Variants in PHF21A observed in about 807,000 individuals in gnomAD.
PHF21A encodes the protein BHC80a.
A neutral mutation model predicts 82.5 loss-of-function variants in PHF21A; 11 were observed. That is an observed-to-expected ratio of 0.13 (90% CI 0.08 to 0.22). The LOEUF is 0.22. PHF21A is among the 10% of genes least tolerant of loss of function. The pLI, the probability that PHF21A is intolerant of heterozygous loss-of-function variation, is 1.00. For missense variants in PHF21A, 579 were observed against 837.8 expected, an observed-to-expected ratio of 0.69 and a Z score of 3.81; for synonymous variants, 297 against 302.8, an observed-to-expected ratio of 0.98 and a Z score of 0.20.
intron 6 of PHF21A, among the ~76,000 whole-genome samples, chr11:46,039,775 G>A (rs2096087025): frequency 1.3e-5 from 2 of 152,102 alleles, no homozygotes; most frequent in South Asian, 2.1e-4. Flanking sequence ...AGTCAAAACT[G>A]CACAATCTGC....
chr11:46,074,779 A>G (rs891246356), intron 6 of PHF21A, among the ~76,000 whole-genome samples: 3 of 152,244 alleles, frequency 2.0e-5, no homozygotes, highest in Non-Finnish European at 4.4e-5. Context: ...CTGGGATTAC[A>G]GGCGTGAGCC....
At chr11:45,956,119 A>T (rs1252103527) in intron 10 of PHF21A, among the ~76,000 whole-genome samples, 2 of 152,234 alleles carry the variant, frequency 1.3e-5, no homozygotes, top group Non-Finnish European at 2.9e-5. Flanking sequence ...CAGATAAACA[A>T]AACCAGAGGA....
chr11:45,983,136 C>A (rs748037205), intron 6 of PHF21A, among the ~76,000 whole-genome samples: 2 of 152,076 alleles, frequency 1.3e-5, no homozygotes, highest in African/African-American at 4.8e-5. Flanking sequence ...AGCAAGGTGA[C>A]GACCAATCAG....
intron 15 of PHF21A, among the ~76,000 whole-genome samples, chr11:45,944,737 A>G (rs2091028126): frequency 6.6e-6 from 1 of 152,202 alleles, no homozygotes. Flanking sequence ...GCCTCCTGCC[A>G]GTATGCTATA....
chr11:46,056,048 A>G (rs1350139548), intron 6 of PHF21A, among the ~76,000 whole-genome samples: 1 of 152,164 alleles, frequency 6.6e-6, no homozygotes, highest in East Asian at 1.9e-4. Flanking sequence ...TACTTTCTCA[A>G]TGACAAGTTT....
intron 6 of PHF21A, among the ~76,000 whole-genome samples, chr11:45,993,423 A>G (rs916740853): frequency 1.3e-5 from 2 of 152,098 alleles, no homozygotes; most frequent in East Asian, 3.9e-4. Flanking sequence ...GGGGAGAGTG[A>G]GGCACATGGT....
intron 1 of PHF21A, 104 bp downstream of exon 1, chr11:46,120,831 A>T (rs1853090590): frequency 6.7e-6 from 1 of 150,134 alleles, no homozygotes; most frequent in Non-Finnish European, 1.5e-5. Flanking sequence ...GAGAGGAGAG[A>T]GGCAGAGGGG....
In PHF21A at chr11:46,040,527, G is replaced by C. The variant is rs1490807094; in HGVS notation, c.153+36227C>G. On this transcript the variant is annotated intron_variant, in intron 6 of 18. Transcript: ENST00000676320. ...CCCTTGTACAATGTAAAATGACTCT[G>C]AGAGTAAAAGACTGGATTACTCATT... is the stretch of plus-strand genomic sequence containing the variant. Among the ~76,000 whole-genome samples, 4 of 152,202 alleles carry C rather than the reference G, an allele frequency of 2.6e-5. No individual in the cohort carries two copies. The East Asian group carries it at 5.8e-4, about 22-fold the overall frequency.
chr11:46,008,871 T>A (rs1295822032), intron 6 of PHF21A, among the ~76,000 whole-genome samples: 2 of 151,864 alleles, frequency 1.3e-5, no homozygotes. Context: ...CCCATTCCAC[T>A]ACTTATTTGA....
chr11:46,024,467 ATTCTC>A (rs1592139605), intron 6 of PHF21A, among the ~76,000 whole-genome samples: 1 of 152,104 alleles, frequency 6.6e-6, no homozygotes, highest in East Asian at 1.9e-4. Flanking sequence ...CCTAGTTTAG[ATTCTC>A]TTCTATTTTT....
chr11:45,940,448 C>T (rs189399641), intron 15 of PHF21A, among the ~76,000 whole-genome samples: 253 of 152,248 alleles, frequency 1.7e-3, no homozygotes, highest in African/African-American at 5.7e-3. Context: ...CCCACCTCGG[C>T]CTCCCAAAGT....
chr11:46,040,653 T>C (rs1186694999), intron 6 of PHF21A, among the ~76,000 whole-genome samples: 1 of 152,156 alleles, frequency 6.6e-6, no homozygotes, highest in Admixed American at 6.5e-5. Flanking sequence ...GTCCTGCTGG[T>C]AACAAACCCT....
At chr11:46,067,196 C>T (rs1453739842) in intron 6 of PHF21A, among the ~76,000 whole-genome samples, 3 of 151,798 alleles carry the variant, frequency 2.0e-5, no homozygotes, top group African/African-American at 7.3e-5. Context: ...GGGGGTCTGC[C>T]GGAAGAAAGG....
chr11:46,068,183 T>C (rs1313434078), intron 6 of PHF21A, among the ~76,000 whole-genome samples: 1 of 152,164 alleles, frequency 6.6e-6, no homozygotes. Context: ...ACCAGTCACA[T>C]GGAAGTAACA....
chr11:45,961,426 G>A (rs1401446998), intron 10 of PHF21A, among the ~76,000 whole-genome samples: 1 of 152,206 alleles, frequency 6.6e-6, no homozygotes, highest in Non-Finnish European at 1.5e-5. Context: ...TATTGCACCA[G>A]TATTAAAATG....
rs1208464498 is a variant in PHF21A, at chr11:45,979,844, T to C, written c.276A>G (p.Leu92=). The C allele has an allele frequency of 1.9e-6, 3 of 1,614,152 alleles. No homozygotes were observed. Among genetic ancestry groups the C allele is most frequent in the African/African-American group, 1.3e-5 (1 of 75,032 alleles). Residue 92 remains leucine (L), a synonymous_variant, in exon 7 of 19, where the codon CTA becomes CTG. Coordinates refer to ENST00000676320, the MANE Select transcript of PHF21A (RefSeq NM_001352027.3). ...ACTGCTGCTGTTGTTGTAGTTGCTG[T>C]AGTGGTTGCTGCTGTGCTGTTTGTA... is the stretch of plus-strand genomic sequence containing the variant. The part of the protein sequence containing the change: ...NKLQTAQQQP[L]QQLQQQQQYH...
chr11:45,949,150 T>C (rs1170741951), intron 13 of PHF21A, among the ~76,000 whole-genome samples: 1 of 152,240 alleles, frequency 6.6e-6, no homozygotes, highest in Admixed American at 6.5e-5. Context: ...CTGTTGCCGA[T>C]GACAGCTGTA....
At chr11:46,021,607 T>C (rs2095633595) in intron 6 of PHF21A, among the ~76,000 whole-genome samples, 1 of 149,398 alleles carries the variant, frequency 6.7e-6, no homozygotes, top group South Asian at 2.1e-4. Context: ...TGCAGTGGCA[T>C]GATCATAGCT....
chr11:45,982,940 T>C (rs567962108), intron 6 of PHF21A, among the ~76,000 whole-genome samples: 115 of 152,300 alleles, frequency 7.6e-4, no homozygotes, highest in African/African-American at 2.6e-3. Flanking sequence ...GGTGTTTTTT[T>C]CTCCTCTACA....
Sources: gnomAD v4.1 joint callset for allele counts (sites outside exome capture counted in the v4.1 genomes callset) on GRCh38, gnomAD v4.1.1 for gene constraint, MANE v1.5 for transcripts, NCBI Gene and HGNC (gene_info 2026-07-23, HGNC 2026-07-21) for gene names.